ALS2: variants seen among roughly 807,000 people sequenced by gnomAD.
ALS2 encodes alsin.
ALS2 carries 117 observed loss-of-function variants against 203.4 expected under a neutral mutation model. The ratio of observed to expected loss-of-function variants is 0.58; its 90% CI spans 0.50 to 0.67. The LOEUF is 0.67. Ranked by LOEUF, ALS2 falls within the 30% of genes least tolerant of loss-of-function variation. The probability of loss-of-function intolerance (pLI) is 0.00; values close to 1 mark genes in which losing one functional copy is unlikely to be tolerated. For missense variants in ALS2, 1,715 were observed against 1,989.4 expected, an observed-to-expected ratio of 0.86 and a Z score of 2.62; for synonymous variants, 718 against 725.9, an observed-to-expected ratio of 0.99 and a Z score of 0.17.
intron 4 of ALS2, chr2:201,759,419 C>T: frequency 1.1e-6 from 1 of 950,478 alleles, no homozygotes; most frequent in Non-Finnish European, 1.3e-6. Flanking sequence ...ATGTTATTTA[C>T]AAAGAATAAA....
intron 6 of ALS2, among the ~76,000 whole-genome samples, 195 bp downstream of exon 6, chr2:201,754,308 T>C (rs1352000989): frequency 6.6e-6 from 1 of 152,194 alleles, no homozygotes; most frequent in Non-Finnish European, 1.5e-5. Flanking sequence ...CCACCAGGCC[T>C]GGCCAAGTCC....
At chr2:201,754,402 C>T in intron 6 of ALS2, 101 bp downstream of exon 6, 1 of 1,408,770 alleles carries the variant, frequency 7.1e-7, no homozygotes, top group Non-Finnish European at 1.0e-6. Context: ...GCTAGAAGAG[C>T]CCAGATTTCC....
intron 24 of ALS2, among the ~76,000 whole-genome samples, 167 bp from the exon 25 acceptor site, chr2:201,716,006 T>C (rs1690366788): frequency 6.6e-6 from 1 of 152,250 alleles, no homozygotes; most frequent in South Asian, 2.1e-4. Flanking sequence ...TTTAAAGGAA[T>C]GTTTTTTAGC....
chr2:201,735,010 GAAT>G (rs1691792011), intron 12 of ALS2, among the ~76,000 whole-genome samples: 1 of 152,206 alleles, frequency 6.6e-6, no homozygotes, highest in Admixed American at 6.5e-5. Flanking sequence ...ACATACAAGA[GAAT>G]ATTATTCAGC....
chr2:201,754,020 T>C (rs539266093), intron 6 of ALS2, among the ~76,000 whole-genome samples: 40 of 152,146 alleles, frequency 2.6e-4, no homozygotes, highest in African/African-American at 6.7e-4. Flanking sequence ...TTTCCTTTTT[T>C]TTTTTTTGAG....
Position 201,725,456 on chromosome 2 carries a change from T to A in ALS2, c.3249-2A>T. Reference sequence around the variant, plus strand: ...TTTGGGATTCTGTATTCTCCATACCTGCCATGAAAAAGAAAAAATAACAAA... The same window carrying A: ...TTTGGGATTCTGTATTCTCCATACCAGCCATGAAAAAGAAAAAATAACAAA... On this transcript the variant is annotated splice_acceptor_variant, in intron 19 of 33. Transcript: ENST00000264276. LOFTEE classifies it high-confidence loss of function. 1 of 1,611,404 alleles carries A rather than the reference T, an allele frequency of 6.2e-7. No individual in the cohort carries two copies. The highest frequency in any genetic ancestry group is 8.5e-7 in the Non-Finnish European group (1 of 1,177,732).
At chr2:201,751,160 C>T (rs1389135245) in intron 7 of ALS2, among the ~76,000 whole-genome samples, 1 of 152,078 alleles carries the variant, frequency 6.6e-6, no homozygotes, top group Non-Finnish European at 1.5e-5. Flanking sequence ...GCCTCCAATT[C>T]TTTAATATTA....
intron 3 of ALS2, among the ~76,000 whole-genome samples, chr2:201,764,970 A>G (rs896304614): frequency 3.3e-5 from 5 of 152,148 alleles, no homozygotes; most frequent in African/African-American, 1.2e-4. Context: ...GTATGATTCT[A>G]AAGATACCAT....
At chr2:201,779,453 T>C (rs1209442820) in intron 1 of ALS2, among the ~76,000 whole-genome samples, 1 of 152,204 alleles carries the variant, frequency 6.6e-6, no homozygotes, top group African/African-American at 2.4e-5. Flanking sequence ...CACATTAAAA[T>C]GTCCTTATGG....
In ALS2 at chr2:201,744,345, G is replaced by T. The variant is rs1322756522; in HGVS notation, c.2083C>A (p.Leu695Ile). 1 of 1,613,996 alleles carries T rather than the reference G, an allele frequency of 6.2e-7. No individual in the cohort carries two copies. The highest frequency in any genetic ancestry group is 1.3e-5 in the African/African-American group (1 of 75,050). ...DKNIMGYIAS[L>I]HELATTERRF... ...CTTTCTGTAGTAGCTAACTCGTGGA[G>T]ACTGGCAATATACCCCATAATGTTT... The change falls in exon 10 of 34, where the codon CTC (leucine) becomes ATC (isoleucine). Residue 695 changes from leucine to isoleucine, a missense_variant. Leu to Ile is a conservative substitution (Grantham distance 5). Transcript: ENST00000264276.
chr2:201,746,778 A>G (rs1692691047), intron 8 of ALS2, 30 bp from the exon 9 acceptor site: 1 of 1,612,818 alleles, frequency 6.2e-7, no homozygotes, highest in Admixed American at 1.7e-5. Context: ...GTGTCTGTCC[A>G]AGATAAAGGC....
chr2:201,757,857 G>T, intron 4 of ALS2, 98 bp from the exon 5 acceptor site: 2 of 949,704 alleles, frequency 2.1e-6, no homozygotes, highest in Non-Finnish European at 1.5e-6. Flanking sequence ...CTATTTGCAT[G>T]TAAGAATCTA....
At chr2:201,718,622 C>T (rs1326365813) in intron 23 of ALS2, among the ~76,000 whole-genome samples, 2 of 152,098 alleles carry the variant, frequency 1.3e-5, no homozygotes, top group Non-Finnish European at 2.9e-5. Context: ...TTAACTTGCT[C>T]TTTACCAGTC....
rs1243782402 is a variant in ALS2 at position 201,728,503 on chromosome 2, C to A, written c.2841+9G>T. 2 of 1,614,020 alleles carry A rather than the reference C, an allele frequency of 1.2e-6. No individual in the cohort carries two copies. Among genetic ancestry groups the A allele is most frequent in the East Asian group, 4.5e-5 (2 of 44,884 alleles). Reference sequence around the variant, plus strand: ...CAGGAATTCTTTTAAGGTTAGGAATCCAGCCTACCTGGGCATGGACCAGGG... The same window carrying A: ...CAGGAATTCTTTTAAGGTTAGGAATACAGCCTACCTGGGCATGGACCAGGG... On this transcript the variant is annotated intron_variant, in intron 15 of 33. Transcript: ENST00000264276.
At chr2:201,772,863 T>C (rs1317592675) in intron 1 of ALS2, among the ~76,000 whole-genome samples, 1 of 148,098 alleles carries the variant, frequency 6.8e-6, no homozygotes, top group African/African-American at 2.5e-5. Context: ...TTTTTTTTTT[T>C]TTTTTTTTTC....
At chr2:201,780,583 C>A (rs1694859442) in intron 1 of ALS2, among the ~76,000 whole-genome samples, 1 of 152,198 alleles carries the variant, frequency 6.6e-6, no homozygotes, top group African/African-American at 2.4e-5. Context: ...GAATTTCACG[C>A]AGCTGAGACC....
intron 25 of ALS2, among the ~76,000 whole-genome samples, chr2:201,714,401 G>A (rs1242168892): frequency 1.3e-5 from 2 of 152,156 alleles, no homozygotes; most frequent in African/African-American, 4.8e-5. Context: ...GACACGTGTC[G>A]CTGCATTTTG....
chr2:201,752,496 C>T (rs1486077292), intron 7 of ALS2, among the ~76,000 whole-genome samples: 1 of 151,836 alleles, frequency 6.6e-6, no homozygotes, highest in African/African-American at 2.4e-5. Flanking sequence ...AATATTTATA[C>T]AAGTTATGTT....
Position 201,704,473 on chromosome 2 carries a change from A to G in ALS2, c.4819T>C (p.Tyr1607His). Residue 1607 changes from tyrosine (Y) to histidine (H), a missense_variant, in exon 32 of 34, where the codon TAT (tyrosine) becomes CAT (histidine). Physicochemically the swap from Tyr to His is moderately conservative, Grantham distance 83. Coordinates refer to ENST00000264276, the MANE Select transcript of ALS2 (RefSeq NM_020919.4). Reference sequence around the variant, plus strand: ...AGTTACCTGGCCCGTAGCACCACATATAAGAAAACAGGAAACAAGTCATCC... The same window carrying G: ...AGTTACCTGGCCCGTAGCACCACATGTAAGAAAACAGGAAACAAGTCATCC... ...SMDDLFPVFL[Y>H]VVLRARIRNL... 6.2e-7 allele frequency: 1 copy of G among 1,614,122 alleles called. No individual in the cohort carries two copies.
Sources: allele counts gnomAD v4.1 joint callset (sites outside exome capture counted in the v4.1 genomes callset), GRCh38; gene constraint gnomAD v4.1.1; transcripts MANE v1.5; gene names NCBI Gene and HGNC (gene_info 2026-07-23, HGNC 2026-07-21).